The following MACF1 variants were observed in gnomAD, a reference collection of about 807,000 sequenced individuals.
MACF1 encodes microtubule actin crosslinking factor 1, also known as microtubule-actin cross-linking factor 1.
Under a neutral mutation model 854.8 loss-of-function variants are expected in MACF1, and 193 were observed. The ratio of observed to expected loss-of-function variants is 0.23; its 90% CI spans 0.20 to 0.25. MACF1 has a LOEUF of 0.25. MACF1 is among the 10% of genes least tolerant of loss of function. The probability of loss-of-function intolerance (pLI) is 1.00; values close to 1 mark genes in which losing one functional copy is unlikely to be tolerated. For synonymous variants in MACF1, 3,185 were observed against 3,226.7 expected (o/e 0.99, Z 0.44); for missense variants, 7,722 against 8,929.1 (o/e 0.86, Z 5.45).
rs752109459 is a variant in MACF1, at chr1:39,432,549, C to T, written c.17352C>T (p.Ala5784=). The change falls in exon 67 of 101, where the codon GCC becomes GCT. Residue 5784 remains alanine (A), a synonymous_variant. Coordinates refer to ENST00000564288, the MANE Select transcript of MACF1 (RefSeq NM_001394062.1). ...IQRSQQYEQA[A]DAELAWVAET... ...ACGTCTATTAGTATGAGCAAGCTGC[C>T]GATGCAGAACTAGCTTGGGTTGCTG... 17 of 1,613,772 alleles carry T rather than the reference C, an allele frequency of 1.1e-5. No individual in the cohort carries two copies. Among genetic ancestry groups the T allele is most frequent in the Admixed American group, 3.3e-5 (2 of 59,958 alleles).
chr1:39,165,088 A>T (rs889227645), intron 2 of MACF1, among the ~76,000 whole-genome samples: 7 of 152,332 alleles, frequency 4.6e-5, no homozygotes, highest in Non-Finnish European at 8.8e-5. Flanking sequence ...AAGAAGGCAC[A>T]TGTGTAGGAC....
rs183222836 is a variant in MACF1 at position 39,208,054 on chromosome 1, A to G, written c.109+2923A>G. Among the ~76,000 whole-genome samples the G allele has an allele frequency of 2.9e-3, 439 of 150,532 alleles. 3 individuals carry two copies. The highest frequency in any genetic ancestry group is 0.01 in the African/African-American group (429 of 40,934). On this transcript the variant is annotated intron_variant, in intron 1 of 100. Transcript: ENST00000564288. ...AGGCTGAGGCAGGAGAACAGCTTGA[A>G]CTCAGGAGGTGGAGGTTGCAGTGAG...
chr1:39,159,655 ATG>A (rs1454195248), intron 2 of MACF1, among the ~76,000 whole-genome samples: 1 of 152,236 alleles, frequency 6.6e-6, no homozygotes. Context: ...ATGTACTCAG[ATG>A]TGATGTAGGA....
At chr1:39,448,873 T>C (rs1644278976) in intron 84 of MACF1, 110 bp downstream of exon 84, 3 of 793,700 alleles carry the variant, frequency 3.8e-6, no homozygotes, top group Non-Finnish European at 5.8e-6. Flanking sequence ...AGAGGTTTTG[T>C]ACCATCTTAA....
chr1:39,232,749 T>G (rs75557337), intron 2 of MACF1, among the ~76,000 whole-genome samples: 2 of 21,636 alleles, frequency 9.2e-5, no homozygotes, highest in African/African-American at 3.2e-4. Flanking sequence ...TCTCTTTGTT[T>G]TTTTTTTTTT....
At chr1:39,453,889 T>C in intron 88 of MACF1, 39 bp downstream of exon 88, 1 of 1,611,700 alleles carries the variant, frequency 6.2e-7, no homozygotes, top group Non-Finnish European at 8.5e-7. Flanking sequence ...ACACGCCCAG[T>C]AAACTATCAC....
intron 26 of MACF1, among the ~76,000 whole-genome samples, chr1:39,312,730 T>C (rs578162152): frequency 6.6e-6 from 1 of 152,000 alleles, no homozygotes; most frequent in Admixed American, 6.6e-5. Flanking sequence ...GTGGCTGAGG[T>C]ATGAGAATCA....
At chr1:39,199,350 T>G (rs1056071895) in intron 2 of MACF1, among the ~76,000 whole-genome samples, 2 of 151,358 alleles carry the variant, frequency 1.3e-5, no homozygotes, top group East Asian at 2.0e-4. Context: ...ATAATAAAAG[T>G]TCAGACATGG....
At chr1:39,320,075 A>T (rs1408842880) in intron 31 of MACF1, among the ~76,000 whole-genome samples, 138 of 152,188 alleles carry the variant, frequency 9.1e-4, no homozygotes, top group Non-Finnish European at 1.5e-4. Flanking sequence ...TAGTATGGCC[A>T]TTTTTTTCTA....
chr1:39,221,717 G>A (rs562898186), intron 1 of MACF1, among the ~76,000 whole-genome samples: 8 of 152,130 alleles, frequency 5.3e-5, no homozygotes, highest in South Asian at 2.1e-4. Context: ...GCATGACAAC[G>A]TAGAGGTACC....
At chr1:39,485,240 G>A (rs1645082698) in intron 100 of MACF1, 1 of 366,554 alleles carries the variant, frequency 2.7e-6, no homozygotes, top group Non-Finnish European at 4.9e-6. Flanking sequence ...CCGGCTGGCA[G>A]GCTCACCCAC....
intron 2 of MACF1, among the ~76,000 whole-genome samples, chr1:39,235,655 C>T (rs1299446756): frequency 6.6e-6 from 1 of 152,162 alleles, no homozygotes; most frequent in African/African-American, 2.4e-5. Flanking sequence ...GTTGCCTTGA[C>T]CATTATAATA....
chr1:39,361,035 G>C, intron 48 of MACF1, 34 bp downstream of exon 48: 1 of 1,562,138 alleles, frequency 6.4e-7, no homozygotes, highest in Non-Finnish European at 8.8e-7. Context: ...AGCATAGAGG[G>C]TATGTTTGCT....
intron 2 of MACF1, among the ~76,000 whole-genome samples, chr1:39,118,400 T>G (rs1275961652): frequency 6.6e-6 from 1 of 152,254 alleles, no homozygotes; most frequent in Non-Finnish European, 1.5e-5. Flanking sequence ...TGGGGTACTT[T>G]GAGGTCCTCA....
At chr1:39,352,018 G>A (rs143277949) in intron 43 of MACF1, among the ~76,000 whole-genome samples, 56 of 152,234 alleles carry the variant, frequency 3.7e-4, no homozygotes, top group Admixed American at 2.9e-3. Context: ...CGTGGCACTC[G>A]GATAAACCAA....
In MACF1 at chr1:39,285,632, C is replaced by G. The variant is rs138060421; in HGVS notation, c.1382C>G (p.Pro461Arg). Reference sequence around the variant, plus strand: ...GCTGCTCACCTGGAATCAGGACAACCGGTACAATGTGAGTCAGATGTCATT... The same window carrying G: ...GCTGCTCACCTGGAATCAGGACAACGGGTACAATGTGAGTCAGATGTCATT... ...ADAAHLESGQ[P>R]VQCESDVIMY... Residue 461 changes from proline to arginine, a missense_variant, in exon 14 of 101, where the codon CCG (proline) becomes CGG (arginine). This residue lies in a region of MACF1 where 1,137 missense variants were observed against 1,263.0 expected (regional missense o/e 0.90). Transcript: ENST00000564288. 2 of 1,614,014 alleles carry G rather than the reference C, an allele frequency of 1.2e-6. No individual in the cohort carries two copies. Among genetic ancestry groups the G allele is most frequent in the Non-Finnish European group, 1.7e-6 (2 of 1,179,982 alleles).
At chr1:39,344,063 C>G (rs989214743) in intron 40 of MACF1, among the ~76,000 whole-genome samples, 1 of 140,976 alleles carries the variant, frequency 7.1e-6, no homozygotes, top group African/African-American at 2.7e-5. Flanking sequence ...TGTGGTGAGC[C>G]GAGGTTGCGC....
intron 45 of MACF1, 134 bp downstream of exon 45, chr1:39,358,027 G>A (rs1647741452): frequency 1.1e-6 from 1 of 932,200 alleles, no homozygotes; most frequent in Non-Finnish European, 1.6e-6. Flanking sequence ...ACCATGGGCA[G>A]AAGGTCTTCA....
At chr1:39,155,089 TG>T (rs1643657237) in intron 2 of MACF1, among the ~76,000 whole-genome samples, 1 of 152,194 alleles carries the variant, frequency 6.6e-6, no homozygotes, top group Admixed American at 6.5e-5. Context: ...TATTGAACTA[TG>T]GTTCTTTGAA....
Sources: gnomAD v4.1 joint callset for allele counts (sites outside exome capture counted in the v4.1 genomes callset) on GRCh38, gnomAD v4.1.1 for gene constraint, gnomAD v4.1.1 regional missense constraint, MANE v1.5 for transcripts, NCBI Gene and HGNC (gene_info 2026-07-23, HGNC 2026-07-21) for gene names.